The following SND1 variants were observed in gnomAD, a reference collection of about 807,000 sequenced individuals.
The protein encoded by SND1 is staphylococcal nuclease domain-containing protein 1.
SND1 carries 38 observed loss-of-function variants against 121.7 expected under a neutral mutation model. The ratio of observed to expected loss-of-function variants is 0.31; its 90% confidence interval spans 0.24 to 0.41. SND1 has a LOEUF of 0.41. Among genes scored for constraint, SND1 ranks in the 10% least tolerant of loss-of-function variants. The pLI is 1.00. For synonymous variants in SND1, 401 were observed against 447.4 expected, an observed-to-expected ratio of 0.90 and a Z score of 1.31; for missense variants, 868 against 1,184.6, an observed-to-expected ratio of 0.73 and a Z score of 3.92.
intron 11 of SND1, among the ~76,000 whole-genome samples, chr7:127,808,458 C>T (rs1402796083): frequency 6.6e-6 from 1 of 152,208 alleles, no homozygotes; most frequent in Non-Finnish European, 1.5e-5. Flanking sequence ...GGCCACTGCA[C>T]CCGGCCTTGT....
intron 1 of SND1, among the ~76,000 whole-genome samples, chr7:127,669,309 G>A (rs1179581718): frequency 1.3e-5 from 2 of 152,092 alleles, no homozygotes; most frequent in African/African-American, 4.8e-5. Context: ...CCTTTTTACA[G>A]TATATCAAAT....
intron 10 of SND1, among the ~76,000 whole-genome samples, chr7:127,759,446 A>T (rs10249616): frequency 6.6e-6 from 1 of 151,846 alleles, no homozygotes; most frequent in African/African-American, 2.4e-5. Flanking sequence ...TGTCCTTTTG[A>T]TGTGTCCCCA....
chr7:127,766,099 T>G (rs1365031185), intron 10 of SND1, among the ~76,000 whole-genome samples: 1 of 152,188 alleles, frequency 6.6e-6, no homozygotes, highest in African/African-American at 2.4e-5. Flanking sequence ...GGAGGGAATT[T>G]GGGCTCTTTG....
chr7:128,019,813 A>C (rs1803305908), intron 16 of SND1, among the ~76,000 whole-genome samples: 1 of 152,182 alleles, frequency 6.6e-6, no homozygotes, highest in South Asian at 2.1e-4. Flanking sequence ...AGATGGGAGG[A>C]AGAGGGGACA....
intron 15 of SND1, among the ~76,000 whole-genome samples, chr7:127,931,510 G>C (rs1481245644): frequency 2.0e-5 from 3 of 152,230 alleles, no homozygotes; most frequent in African/African-American, 7.2e-5. Context: ...TGATGTAGAA[G>C]CTGCAACAAG....
intron 16 of SND1, among the ~76,000 whole-genome samples, chr7:128,063,966 C>T (rs959392712): frequency 5.9e-5 from 9 of 152,178 alleles, no homozygotes; most frequent in Non-Finnish European, 1.3e-4. Flanking sequence ...TTATTCTGTG[C>T]TGTACTGAGG....
At chr7:127,922,277 T>C (rs1162913415) in intron 14 of SND1, among the ~76,000 whole-genome samples, 1 of 146,924 alleles carries the variant, frequency 6.8e-6, no homozygotes, top group Non-Finnish European at 1.5e-5. Flanking sequence ...TGTTTTTGCC[T>C]CAGGCAAAAC....
chr7:127,711,027 C>T (rs557642006), intron 9 of SND1, among the ~76,000 whole-genome samples: 1 of 152,200 alleles, frequency 6.6e-6, no homozygotes, highest in South Asian at 2.1e-4. Context: ...TTTAATTCAG[C>T]CTCCAAACTC....
chr7:128,070,684 G>A (rs929645254), intron 16 of SND1, among the ~76,000 whole-genome samples: 7 of 152,106 alleles, frequency 4.6e-5, no homozygotes, highest in Non-Finnish European at 7.3e-5. Context: ...CTCCCCTAAC[G>A]TGTCTTCTGT....
intron 10 of SND1, among the ~76,000 whole-genome samples, chr7:127,774,005 G>A (rs528085978): frequency 1.8e-3 from 271 of 152,256 alleles, no homozygotes; most frequent in Non-Finnish European, 3.0e-3. Context: ...AATAATAAAC[G>A]ACTACATGAC....
chr7:127,708,982 ACT>A (rs1477828106), intron 9 of SND1, among the ~76,000 whole-genome samples: 14 of 151,864 alleles, frequency 9.2e-5, no homozygotes, highest in African/African-American at 1.9e-4. Flanking sequence ...AAATTTCTTC[ACT>A]CTCTTTTTTA....
chr7:127,842,230 G>A (rs1291584553), intron 11 of SND1, among the ~76,000 whole-genome samples: 1 of 152,146 alleles, frequency 6.6e-6, no homozygotes, highest in Non-Finnish European at 1.5e-5. Context: ...TTAGAAAAGG[G>A]ATTCCAGACT....
chr7:127,752,330 C>T (rs1204905407), intron 10 of SND1, among the ~76,000 whole-genome samples: 6 of 152,070 alleles, frequency 3.9e-5, no homozygotes, highest in South Asian at 4.1e-4. Context: ...TTGCAGCCGT[C>T]GTAATGCTTA....
chr7:127,744,506 G>A (rs1796943327), intron 10 of SND1, among the ~76,000 whole-genome samples: 1 of 152,082 alleles, frequency 6.6e-6, no homozygotes, highest in Non-Finnish European at 1.5e-5. Context: ...TGCCTGATTG[G>A]GCACTTATTT....
At position 127,798,976 on chromosome 7, in the gene SND1, C is replaced by T. The variant is rs113784134; in HGVS notation, c.1153-8508C>T. ...GTGGAAGGATCATGTGAGCCTGGAA[C>T]GTCAAGGCTACAGTGAGCCCTTGTC... is the stretch of plus-strand genomic sequence containing the variant. On this transcript the variant is annotated intron_variant, in intron 10 of 23. Coordinates refer to ENST00000354725, the MANE Select transcript of SND1 (RefSeq NM_014390.4). 2.8e-3 allele frequency among the ~76,000 whole-genome samples: 430 copies of T among 152,270 alleles called. 1 individual carries two copies. Among genetic ancestry groups the T allele is most frequent in the African/African-American group, 1.0e-2 (415 of 41,540 alleles).
At chr7:127,954,513 G>A (rs938923746) in intron 15 of SND1, among the ~76,000 whole-genome samples, 1 of 151,918 alleles carries the variant, frequency 6.6e-6, no homozygotes, top group South Asian at 2.1e-4. Flanking sequence ...TTATGTCTTC[G>A]GCTTTGTATG....
chr7:127,715,484 G>C (rs537784063), intron 9 of SND1, among the ~76,000 whole-genome samples: 1 of 152,156 alleles, frequency 6.6e-6, no homozygotes, highest in Non-Finnish European at 1.5e-5. Context: ...CTCTCCCCCA[G>C]CTCTAGGAGT....
At chr7:127,972,863 A>G (rs1802031854) in intron 15 of SND1, among the ~76,000 whole-genome samples, 1 of 152,240 alleles carries the variant, frequency 6.6e-6, no homozygotes, top group Admixed American at 6.5e-5. Flanking sequence ...TACAGGCATG[A>G]GCCACCGCAC....
intron 16 of SND1, among the ~76,000 whole-genome samples, chr7:128,011,394 T>C (rs1182741884): frequency 1.3e-5 from 2 of 152,236 alleles, no homozygotes; most frequent in African/African-American, 2.4e-5. Context: ...GAGAGTGCCC[T>C]TGTAGTATAC....
Sources: gnomAD v4.1 joint callset for allele counts (sites outside exome capture counted in the v4.1 genomes callset) on GRCh38, gnomAD v4.1.1 for gene constraint, MANE v1.5 for transcripts, NCBI Gene and HGNC (gene_info 2026-07-23, HGNC 2026-07-21) for gene names.